Variants in ARPP21 observed in about 807,000 individuals in gnomAD.
ARPP21 encodes the protein cAMP regulated phosphoprotein 21, also known as cAMP-regulated phosphoprotein 21.
ARPP21 carries 69 observed loss-of-function variants against 113.2 expected under a neutral mutation model. The observed-to-expected ratio is 0.61, with a 90% confidence interval of 0.50 to 0.74. ARPP21 has a LOEUF of 0.74. ARPP21 is among the 30% of genes least tolerant of loss of function. The probability of loss-of-function intolerance (pLI) is 0.00; values close to 1 mark genes in which losing one functional copy is unlikely to be tolerated. For synonymous variants in ARPP21, 368 were observed against 375.5 expected, an observed-to-expected ratio of 0.98 and a Z score of 0.23; for missense variants, 1,070 against 1,037.4, an observed-to-expected ratio of 1.03 and a Z score of -0.43.
At chr3:35,681,959 A>T in intron 3 of ARPP21, 79 bp downstream of exon 3, 1 of 1,444,604 alleles carries the variant, frequency 6.9e-7, no homozygotes, top group East Asian at 2.3e-5. Flanking sequence ...TACTTTAGAG[A>T]TTTATTTTTT....
At chr3:35,689,226 A>G (rs910583034) in intron 6 of ARPP21, 81 bp from the exon 7 acceptor site, 1 of 759,450 alleles carries the variant, frequency 1.3e-6, no homozygotes, top group Non-Finnish European at 2.4e-6. Context: ...AGCAGGGGGA[A>G]ACAGGATAGG....
At chr3:35,698,138 A>G (rs1041382217) in intron 9 of ARPP21, among the ~76,000 whole-genome samples, 3 of 151,662 alleles carry the variant, frequency 2.0e-5, no homozygotes, top group Admixed American at 1.3e-4. Context: ...TGAGCAAGAC[A>G]CTTCGTTTTT....
intron 1 of ARPP21, among the ~76,000 whole-genome samples, chr3:35,671,989 A>G (rs892456629): frequency 9.9e-5 from 15 of 152,062 alleles, no homozygotes; most frequent in Admixed American, 3.3e-4. Context: ...TTTAATGAGA[A>G]TATCTTTTCC....
intron 18 of ARPP21, among the ~76,000 whole-genome samples, chr3:35,742,768 G>T (rs972208725): frequency 6.6e-6 from 1 of 152,154 alleles, no homozygotes; most frequent in Non-Finnish European, 1.5e-5. Context: ...TCAAATAATT[G>T]ACTTGTAATT....
intron 19 of ARPP21, among the ~76,000 whole-genome samples, chr3:35,747,011 CAT>C (rs1286689377): frequency 6.6e-6 from 1 of 152,112 alleles, no homozygotes; most frequent in Non-Finnish European, 1.5e-5. Flanking sequence ...AGGTCCTAAA[CAT>C]GTGGAAGAGG....
At chr3:35,745,478 G>A (rs1442912639) in intron 19 of ARPP21, among the ~76,000 whole-genome samples, 7 of 152,124 alleles carry the variant, frequency 4.6e-5, no homozygotes, top group African/African-American at 1.2e-4. Context: ...ATTAGGTTTG[G>A]TGCCATTGTG....
intron 1 of ARPP21, among the ~76,000 whole-genome samples, chr3:35,668,021 AAGAAGAAGAAGG>A (rs1298303061): frequency 2.5e-4 from 34 of 134,896 alleles, no homozygotes; most frequent in East Asian, 1.6e-3. Context: ...GAAGAAGAAG[AAGAAGAAGAAGG>A]AGAAGAAGAA....
intron 9 of ARPP21, among the ~76,000 whole-genome samples, chr3:35,694,705 C>A (rs2083304036): frequency 6.6e-6 from 1 of 150,870 alleles, no homozygotes; most frequent in Non-Finnish European, 1.5e-5. Flanking sequence ...CCTGGATTGG[C>A]TAAAAATTGC....
chr3:35,674,615 T>G (rs542683948), intron 1 of ARPP21, among the ~76,000 whole-genome samples: 1 of 151,878 alleles, frequency 6.6e-6, no homozygotes, highest in Non-Finnish European at 1.5e-5. Flanking sequence ...AGATGGGCAC[T>G]ATGAGTTATA....
At position 35,690,880 on chromosome 3, in the gene ARPP21, G is replaced by A. The variant is rs534403648; in HGVS notation, c.561G>A (p.Lys187=). 1.9e-6 allele frequency: 3 copies of A among 1,605,798 alleles called. No individual in the cohort carries two copies. ...TATGTTCTAGTAATCATTATAAAAA[G>A]TTCCCTCAGATGTCATCGTATCAGA... ...FIADNNNHYK[K]FPQMSSYQRM... Residue 187 remains lysine, a synonymous_variant, in exon 9 of 21, where the codon AAG becomes AAA. Transcript: ENST00000684406.
At chr3:35,756,705 T>TTTG (rs148039988) in intron 19 of ARPP21, among the ~76,000 whole-genome samples, 38 of 152,094 alleles carry the variant, frequency 2.5e-4, no homozygotes, top group East Asian at 5.8e-4. Flanking sequence ...TGGGGATTGT[T>TTTG]TTGTTGTTGT....
intron 19 of ARPP21, among the ~76,000 whole-genome samples, chr3:35,786,248 G>T (rs1019039592): frequency 2.6e-5 from 4 of 152,126 alleles, no homozygotes; most frequent in Non-Finnish European, 5.9e-5. Context: ...ACTTGGCCGG[G>T]CGTGGTGGTT....
chr3:35,715,073 C>T (rs2092156718), intron 11 of ARPP21: 1 of 201,654 alleles, frequency 5.0e-6, no homozygotes, highest in African/African-American at 2.3e-5. Flanking sequence ...GAACCCTTTC[C>T]CTTGGCTTCT....
At chr3:35,792,663 T>C (rs2096769668) in intron 20 of ARPP21, 133 bp downstream of exon 20, 2 of 743,394 alleles carry the variant, frequency 2.7e-6, no homozygotes, top group Non-Finnish European at 4.6e-6. Context: ...ATAATTTACT[T>C]TGAATCAAGA....
At chr3:35,786,180 A>T (rs2096628481) in intron 19 of ARPP21, among the ~76,000 whole-genome samples, 1 of 152,164 alleles carries the variant, frequency 6.6e-6, no homozygotes, top group South Asian at 2.1e-4. Context: ...ATTTGTAAAC[A>T]TGTTTAAAAA....
chr3:35,767,798 C>T (rs1284204130), intron 19 of ARPP21, among the ~76,000 whole-genome samples: 2 of 152,006 alleles, frequency 1.3e-5, no homozygotes, highest in Non-Finnish European at 2.9e-5. Context: ...CCTCTTCATG[C>T]CTGACTACAG....
In ARPP21 at chr3:35,744,029, T is replaced by C. The variant is rs2094850899; in HGVS notation, c.2137+64T>C. ...TTATTTTTGCTGGTGAATCTTGTAC[T>C]CTTTGGATGAGTGTCCAAGCTTGGC... On this transcript the variant is annotated intron_variant, in intron 19 of 20. Coordinates refer to ENST00000684406, the MANE Select transcript of ARPP21 (RefSeq NM_001385562.1). 8 of 1,565,204 alleles carry C rather than the reference T, an allele frequency of 5.1e-6. No homozygotes were observed. The African/African-American group carries it at 1.1e-4, about 21-fold the overall frequency.
chr3:35,682,929 G>T lies in ARPP21; in HGVS notation c.171+40G>T, dbSNP rs200466246. Reference sequence around the variant, plus strand: ...ATTCTAGGTAGACCTGATATCATGGGTATAAATTACATATTTTACATCAGA... The same window carrying T: ...ATTCTAGGTAGACCTGATATCATGGTTATAAATTACATATTTTACATCAGA... On this transcript the variant is annotated intron_variant, in intron 4 of 20. Transcript: ENST00000684406. 267 of 1,522,348 alleles carry T rather than the reference G, an allele frequency of 1.8e-4. 3 individuals carry two copies. In the African/African-American group the frequency reaches 3.0e-3, roughly 17 times the overall value. The allele number at this position is 1,522,348 out of a possible 1,614,324, so 94.3% of individuals were successfully genotyped here.
chr3:35,730,644 C>T (rs2093896674), intron 15 of ARPP21, among the ~76,000 whole-genome samples: 2 of 152,320 alleles, frequency 1.3e-5, no homozygotes, highest in African/African-American at 2.4e-5. Flanking sequence ...TCCTTCCAGA[C>T]TATTTCTTCA....
Sources: allele counts gnomAD v4.1 joint callset (sites outside exome capture counted in the v4.1 genomes callset), GRCh38; gene constraint gnomAD v4.1.1; transcripts MANE v1.5; gene names NCBI Gene and HGNC (gene_info 2026-07-23, HGNC 2026-07-21).